RAB36: variants seen among roughly 807,000 people sequenced by gnomAD.
The protein encoded by RAB36 is ras-related protein Rab-36.
RAB36 carries 33 observed loss-of-function variants against 39.3 expected under a neutral mutation model. The observed-to-expected ratio is 0.84, with a 90% CI of 0.64 to 1.12. RAB36 has a LOEUF of 1.12. RAB36 is among the 50% of genes most tolerant of loss of function. The pLI is 0.00. For missense variants in RAB36, 308 were observed against 355.3 expected (o/e 0.87, Z 1.07); for synonymous variants, 133 against 140.2 (o/e 0.95, Z 0.36).
chr22:23,145,656 C>A (rs768026058), intron 1 of RAB36, 105 bp downstream of exon 1: 2 of 1,299,064 alleles, frequency 1.5e-6, no homozygotes, highest in Non-Finnish European at 2.1e-6. Context: ...GCCCACTTCC[C>A]GCCCCTATAA....
At chr22:23,150,509 G>A (rs1569206699) in intron 3 of RAB36, among the ~76,000 whole-genome samples, 1 of 151,950 alleles carries the variant, frequency 6.6e-6, no homozygotes, top group Non-Finnish European at 1.5e-5. Flanking sequence ...CACCATGTTA[G>A]CCAGGATGGT....
chr22:23,168,029 T>TG (rs1330896202), downstream of RAB36, among the ~76,000 whole-genome samples: 3 of 152,148 alleles, frequency 2.0e-5, no homozygotes, highest in Non-Finnish European at 4.4e-5. Flanking sequence ...AATTTTTTTT[T>TG]TAATTTCACA....
chr22:23,146,811 T>C lies in RAB36; in HGVS notation c.69+126T>C. On this transcript the variant is annotated intron_variant, in intron 2 of 10. Coordinates refer to ENST00000263116, the MANE Select transcript of RAB36 (RefSeq NM_004914.5). The stretch of plus-strand genomic sequence containing the variant: ...AGGTCTGTCCATTGTCAGATTTACC[T>C]TGAGGAGCTGGGAGACTGGTCACTG... The C allele has an allele frequency of 3.5e-6, 5 of 1,419,580 alleles. No homozygotes were observed. In the South Asian group the frequency reaches 5.8e-5, roughly 16 times the overall value. 87.9% of individuals were successfully genotyped at this position (1,419,580 alleles called of 1,614,324 possible).
In RAB36 at chr22:23,163,606, GC is replaced by G. The variant is rs71744650; in HGVS notation, c.*2052del. On this transcript the variant is annotated 3_prime_UTR_variant, in exon 11 of 11. Coordinates refer to ENST00000263116, the MANE Select transcript of RAB36 (RefSeq NM_004914.5). Reference sequence around the variant, plus strand: ...AAAGCATATAAAATACAAGGTGAAAGCCCCCCCCCCGCCACATTAGCTGCGC... The same window carrying G: ...AAAGCATATAAAATACAAGGTGAAAGCCCCCCCCCGCCACATTAGCTGCGC... 9,280 of 125,320 alleles carry G rather than the reference GC, an allele frequency of 0.074. 1,230 individuals are homozygous for G. The highest frequency in any genetic ancestry group is 0.24 in the African/African-American group (8,674 of 36,504). The allele number at this position is 125,320 out of a possible 1,614,324, so 7.8% of individuals were successfully genotyped here.
In RAB36 at chr22:23,163,858, G is replaced by A; in HGVS notation, c.*2294G>A. 1 of 152,250 alleles carries A rather than the reference G, an allele frequency of 6.6e-6. No individual in the cohort carries two copies. The highest frequency in any genetic ancestry group is 1.9e-4 in the East Asian group (1 of 5,200). 9.4% of individuals were successfully genotyped at this position (152,250 alleles called of 1,614,324 possible). ...GCCTTCCTAGGGAGCTGGCGCCAAG[G>A]CCTCTCCCTGATGGCACACAAGGAG... On this transcript the variant is annotated 3_prime_UTR_variant, in exon 11 of 11. Transcript: ENST00000263116.
At chr22:23,153,478 G>T in intron 5 of RAB36, 2 of 744,898 alleles carry the variant, frequency 2.7e-6, no homozygotes, top group Non-Finnish European at 3.3e-6. Flanking sequence ...AGGCCAGCAG[G>T]GTGGCCTCCC....
intron 7 of RAB36, 42 bp from the exon 8 acceptor site, chr22:23,158,856 G>T (rs766291211): frequency 6.4e-7 from 1 of 1,569,892 alleles, no homozygotes; most frequent in East Asian, 2.2e-5. Flanking sequence ...GTTTGGGGTG[G>T]GAGGATGGGT....
intron 9 of RAB36, among the ~76,000 whole-genome samples, chr22:23,159,538 G>A (rs527680276): frequency 3.5e-4 from 54 of 152,194 alleles, no homozygotes; most frequent in Non-Finnish European, 3.7e-4. Context: ...CTCCATAACC[G>A]GAGAACCCCA....
chr22:23,161,039 G>A (rs1229746413), intron 10 of RAB36, 41 bp downstream of exon 10: 3 of 1,558,802 alleles, frequency 1.9e-6, no homozygotes, highest in Middle Eastern at 3.4e-4. Context: ...GGAGTAGGCT[G>A]GAGGCCTAAA....
In RAB36 at chr22:23,157,399, G is replaced by A. The variant is rs373340924; in HGVS notation, c.395-593G>A. ...CCGAGTAGCTGGGACTGCAGGTGCC[G>A]GCTACCACACCCAGCTAATTTTTTT... On this transcript the variant is annotated intron_variant, in intron 6 of 10. Coordinates refer to ENST00000263116, the MANE Select transcript of RAB36 (RefSeq NM_004914.5). 1.2e-4 allele frequency among the ~76,000 whole-genome samples: 18 copies of A among 152,050 alleles called. No individual in the cohort carries two copies. The East Asian group carries it at 1.5e-3, about 13-fold the overall frequency.
chr22:23,165,874 C>T (rs1569226768), downstream of RAB36, among the ~76,000 whole-genome samples: 1 of 152,134 alleles, frequency 6.6e-6, no homozygotes, highest in Non-Finnish European at 1.5e-5. Flanking sequence ...AGGCTGGGCA[C>T]AGTGGCTCAT....
chr22:23,167,157 G>A (rs924205357), downstream of RAB36, among the ~76,000 whole-genome samples: 1 of 152,054 alleles, frequency 6.6e-6, no homozygotes, highest in Non-Finnish European at 1.5e-5. Flanking sequence ...GTGGGAATCT[G>A]CTGCAGGTGC....
intron 9 of RAB36, among the ~76,000 whole-genome samples, 169 bp from the exon 10 acceptor site, chr22:23,160,710 T>C (rs1051946006): frequency 1.1e-4 from 16 of 152,098 alleles, no homozygotes; most frequent in African/African-American, 3.6e-4. Flanking sequence ...CTGTGCTGCC[T>C]GTGTGAGTGG....
At chr22:23,166,247 T>C (rs1039294609), downstream of RAB36, among the ~76,000 whole-genome samples, 18 of 147,982 alleles carry the variant, frequency 1.2e-4, no homozygotes, top group African/African-American at 4.0e-4. Context: ...ACACTTGCTA[T>C]ATTTGGCCAA....
intron 5 of RAB36, among the ~76,000 whole-genome samples, chr22:23,154,301 G>A (rs747037214): frequency 5.3e-5 from 8 of 152,144 alleles, no homozygotes; most frequent in East Asian, 1.9e-4. Context: ...GCCTGAGTTC[G>A]TTCCTCAATC....
intron 6 of RAB36, 109 bp downstream of exon 6, chr22:23,156,141 C>CTGAGAAAA: frequency 4.6e-6 from 4 of 861,592 alleles, no homozygotes; most frequent in Non-Finnish European, 6.9e-6. Context: ...TTTTTGTCCT[C>CTGAGAAAA]CAAGACCCAC....
Position 23,153,113 on chromosome 22 carries a change from G to A in RAB36, c.308G>A (p.Gly103Glu). Residue 103 changes from glycine (G) to glutamate (E), a missense_variant, in exon 5 of 11, where the codon GGG becomes GAG. By Grantham distance (98) the Gly-to-Glu change is moderately conservative. Transcript: ENST00000263116. ...GAAATTGAGCGCTTTGAGATTGCTG[G>A]GATTCCCTATAGCCTCCAGATGTAA... ...DFEIERFEIA[G>E]IPYSLQIWDT... 1 of 1,614,018 alleles carries A rather than the reference G, an allele frequency of 6.2e-7. No individual in the cohort carries two copies. The highest frequency in any genetic ancestry group is 8.5e-7 in the Non-Finnish European group (1 of 1,179,948).
downstream of RAB36, among the ~76,000 whole-genome samples, chr22:23,166,289 CA>C (rs551193559): frequency 1.3e-3 from 174 of 135,070 alleles, no homozygotes; most frequent in African/African-American, 4.8e-3. Context: ...GTCCAAAGTC[CA>C]GAGTCAGTGT....
rs190282767 is a variant in RAB36 at position 23,156,048 on chromosome 22, C to T, written c.394+16C>T. Reference sequence around the variant, plus strand: ...GGTGCCCAGGGTGAGCAACATGCCACGTCGGGGCTCAACTGCATGCAGCAG... The same window carrying T: ...GGTGCCCAGGGTGAGCAACATGCCATGTCGGGGCTCAACTGCATGCAGCAG... On this transcript the variant is annotated intron_variant, in intron 6 of 10. Transcript: ENST00000263116. 3.7e-4 allele frequency: 596 copies of T among 1,606,894 alleles called. 4 individuals are homozygous for T. In the Middle Eastern group the frequency reaches 0.012, roughly 32 times the overall value.
Sources: gnomAD v4.1 joint callset for allele counts (sites outside exome capture counted in the v4.1 genomes callset) on GRCh38, gnomAD v4.1.1 for gene constraint, MANE v1.5 for transcripts, NCBI Gene and HGNC (gene_info 2026-07-23, HGNC 2026-07-21) for gene names.